EIF4E2: variants seen among roughly 807,000 people sequenced by gnomAD.
EIF4E2 encodes the protein eukaryotic translation initiation factor 4E type 2.
In EIF4E2, 13 loss-of-function variants were observed where a neutral mutation model predicts 34.2. That is an observed-to-expected ratio of 0.38 (90% CI 0.25 to 0.60). The LOEUF is 0.60. Among genes scored for constraint, EIF4E2 ranks in the 20% least tolerant of loss-of-function variants. EIF4E2 has a pLI of 0.62. For missense variants in EIF4E2, 222 were observed against 315.1 expected (o/e 0.70, Z 2.24); for synonymous variants, 100 against 106.6 (o/e 0.94, Z 0.38).
chr2:232,567,315 T>C, intron 6 of EIF4E2, 101 bp downstream of exon 6: 1 of 1,564,168 alleles, frequency 6.4e-7, no homozygotes, highest in East Asian at 2.3e-5. Flanking sequence ...GACTTACTTG[T>C]GGAGAAGGGA....
At chr2:232,580,779 A>G in intron 6 of EIF4E2, 3 of 823,474 alleles carry the variant, frequency 3.6e-6, no homozygotes, top group Non-Finnish European at 5.6e-6. Context: ...GCAAGTGAAG[A>G]AGGCCCCGGG....
At position 232,566,747 on chromosome 2, in the gene EIF4E2, GA is replaced by G. The variant is rs1692946264; in HGVS notation, c.376-81del. 1.3e-6 allele frequency: 2 copies of G among 1,510,936 alleles called. No individual in the cohort carries two copies. The highest frequency in any genetic ancestry group is 1.9e-5 in the Admixed American group (1 of 52,840). The allele number at this position is 1,510,936 out of a possible 1,614,324, so 93.6% of individuals were successfully genotyped here. ...TGATATGACTTCTTAGTGTTTAAGA[GA>G]TTCTTGGCTTTTTACTGCCTTCATA... On this transcript the variant is annotated intron_variant, in intron 4 of 6. Transcript: ENST00000258416. This position sits in a 1 kb window ranked among gnomAD's most constrained non-coding sequence, Gnocchi z 4.9.
At chr2:232,580,808 G>C in intron 6 of EIF4E2, 1 of 1,141,548 alleles carries the variant, frequency 8.8e-7, no homozygotes, top group Non-Finnish European at 1.2e-6. Context: ...TGGAGACCCC[G>C]AGGGCTGATG....
chr2:232,558,730 A>C (rs1238786041), intron 3 of EIF4E2: 2 of 152,136 alleles, frequency 1.3e-5, no homozygotes, highest in Non-Finnish European at 2.9e-5. Context: ...CAGTAAAGTG[A>C]AAAATTTTGA....
intron 6 of EIF4E2, chr2:232,568,677 A>G (rs1437511251): frequency 4.1e-6 from 4 of 985,322 alleles, no homozygotes; most frequent in Non-Finnish European, 4.8e-6. Flanking sequence ...CTCCCTTTCT[A>G]ATACCATAAG....
chr2:232,575,580 G>A (rs946972915), intron 6 of EIF4E2, among the ~76,000 whole-genome samples: 1 of 152,102 alleles, frequency 6.6e-6, no homozygotes, highest in South Asian at 2.1e-4. Context: ...GGGCAATATA[G>A]TAAGACCCTT....
chr2:232,579,639 CT>C (rs1169155313), intron 6 of EIF4E2, among the ~76,000 whole-genome samples: 1 of 152,170 alleles, frequency 6.6e-6, no homozygotes, highest in Non-Finnish European at 1.5e-5. Flanking sequence ...CACATATTTA[CT>C]CTGAACCAAT....
At chr2:232,560,812 G>T (rs1692697016) in intron 3 of EIF4E2, among the ~76,000 whole-genome samples, 1 of 152,172 alleles carries the variant, frequency 6.6e-6, no homozygotes, top group African/African-American at 2.4e-5. Flanking sequence ...TCAGCCTAAA[G>T]CAAAGATCTT....
chr2:232,569,640 T>A (rs1693044041), downstream of EIF4E2: 2 of 152,338 alleles, frequency 1.3e-5, no homozygotes, highest in Admixed American at 1.3e-4. Flanking sequence ...GCTGTGTGTA[T>A]ATAGCTTCCT....
intron 6 of EIF4E2, among the ~76,000 whole-genome samples, chr2:232,576,687 T>TTA: frequency 6.6e-6 from 1 of 152,220 alleles, no homozygotes; most frequent in Non-Finnish European, 1.5e-5. Flanking sequence ...ATTGTCTTAA[T>TTA]AGACTTGAAA....
chr2:232,551,759 C>T (rs1174085935), intron 1 of EIF4E2, among the ~76,000 whole-genome samples: 5 of 152,176 alleles, frequency 3.3e-5, no homozygotes, highest in African/African-American at 4.8e-5. Context: ...AGGTTGTGAC[C>T]TGGTGCTTTT....
chr2:232,575,378 C>G (rs1250801382), intron 6 of EIF4E2, among the ~76,000 whole-genome samples: 1 of 106,702 alleles, frequency 9.4e-6, no homozygotes, highest in Non-Finnish European at 2.2e-5. Flanking sequence ...TGATGCCACC[C>G]ATACCTTTTT....
intron 1 of EIF4E2, chr2:232,551,004 G>A (rs1191360110): frequency 1.6e-6 from 1 of 612,430 alleles, no homozygotes; most frequent in Admixed American, 2.7e-5. Flanking sequence ...CCCGGTAGGG[G>A]GAGATTTTCG....
chr2:232,557,525 G>T (rs1268080135), intron 2 of EIF4E2: 2 of 215,664 alleles, frequency 9.3e-6, no homozygotes, highest in Non-Finnish European at 1.9e-5. Flanking sequence ...TCCTCATTTT[G>T]CAGGTAAGAA....
intron 1 of EIF4E2, among the ~76,000 whole-genome samples, chr2:232,555,989 CTAAAG>C (rs1174535249): frequency 6.6e-6 from 1 of 151,926 alleles, no homozygotes; most frequent in African/African-American, 2.4e-5. Context: ...AGGGCCTAAA[CTAAAG>C]TAGTGACAGT....
intron 1 of EIF4E2, among the ~76,000 whole-genome samples, chr2:232,553,026 G>A (rs1692400349): frequency 1.3e-5 from 2 of 152,192 alleles, no homozygotes; most frequent in South Asian, 4.1e-4. Flanking sequence ...CCTTCCAGAT[G>A]TCCAGTGGCT....
rs1693010232 is a variant in EIF4E2, at chr2:232,568,501, C to G, written c.666-444C>G. ...CTGGGATAGAAGTAGTTTCTGACTT[C>G]TAGCCACGTTCAGTCCAGGCTGGAG... is the stretch of plus-strand genomic sequence containing the variant. On this transcript the variant is annotated intron_variant, in intron 6 of 6. Transcript: ENST00000258416. 6.1e-6 allele frequency: 6 copies of G among 981,800 alleles called. No individual in the cohort carries two copies. In the African/African-American group the frequency reaches 7.1e-5, roughly 12 times the overall value. The allele number at this position is 981,800 out of a possible 1,614,324, so 60.8% of individuals were successfully genotyped here.
At chr2:232,565,557 C>A (rs1027012786) in intron 4 of EIF4E2, among the ~76,000 whole-genome samples, 1 of 151,868 alleles carries the variant, frequency 6.6e-6, no homozygotes, top group African/African-American at 2.4e-5. Context: ...TCACTTGAAC[C>A]CAGGAGGTGG....
intron 3 of EIF4E2, among the ~76,000 whole-genome samples, chr2:232,562,076 A>G (rs909172470): frequency 2.0e-5 from 3 of 151,928 alleles, no homozygotes; most frequent in Non-Finnish European, 4.4e-5. Flanking sequence ...ATAGCTGGGC[A>G]TGGTGGTGCC....
Sources: gnomAD v4.1 joint callset for allele counts (sites outside exome capture counted in the v4.1 genomes callset) on GRCh38, gnomAD v4.1.1 for gene constraint, Gnocchi (gnomAD v3.1) non-coding constraint, MANE v1.5 for transcripts, NCBI Gene and HGNC (gene_info 2026-07-23, HGNC 2026-07-21) for gene names.